The following EVA1A variants were observed in gnomAD, a reference collection of about 807,000 sequenced individuals.
The protein encoded by EVA1A is protein eva-1 homolog A.
A neutral mutation model predicts 9.8 loss-of-function variants in EVA1A; 7 were observed. The observed-to-expected ratio is 0.71, with a 90% CI of 0.41 to 1.34. The LOEUF (loss-of-function observed/expected upper bound fraction) is 1.34, where lower values mean the gene tolerates loss of function less well. EVA1A is among the 40% of genes most tolerant of loss of function. EVA1A has a pLI of 0.01. For missense variants in EVA1A, 206 were observed against 205.9 expected (o/e 1.00, Z 0.00); for synonymous variants, 90 against 85.6 (o/e 1.05, Z -0.28).
At chr2:75,563,595 G>GTATT (rs1301140261), upstream of EVA1A, among the ~76,000 whole-genome samples, 1 of 152,188 alleles carries the variant, frequency 6.6e-6, no homozygotes, top group Non-Finnish European at 1.5e-5. Context: ...GATTGGCTAA[G>GTATT]TATTCTTGTT....
chr2:75,508,345 C>CT (rs915258924), intron 3 of EVA1A, among the ~76,000 whole-genome samples: 2 of 152,146 alleles, frequency 1.3e-5, no homozygotes, highest in Admixed American at 6.5e-5. Context: ...TCGCTGAATT[C>CT]TTTTTCTCAG....
At chr2:75,554,452 G>C (rs1676629378) in intron 1 of EVA1A, among the ~76,000 whole-genome samples, 1 of 152,164 alleles carries the variant, frequency 6.6e-6, no homozygotes, top group Non-Finnish European at 1.5e-5. Context: ...AGGAAAGGGG[G>C]AAAAGCGGGG....
chr2:75,554,450 G>C (rs557001262), intron 1 of EVA1A, among the ~76,000 whole-genome samples: 1 of 152,266 alleles, frequency 6.6e-6, no homozygotes, highest in South Asian at 2.1e-4. Context: ...GAAGGAAAGG[G>C]GGAAAAGCGG....
chr2:75,558,015 T>C (rs1402311004), intron 1 of EVA1A, among the ~76,000 whole-genome samples: 1 of 152,220 alleles, frequency 6.6e-6, no homozygotes, highest in African/African-American at 2.4e-5. Context: ...GAAATCCAGA[T>C]GTGTGCGTGA....
intron 3 of EVA1A, among the ~76,000 whole-genome samples, chr2:75,514,933 T>C (rs1674952690): frequency 6.6e-6 from 1 of 152,188 alleles, no homozygotes; most frequent in Admixed American, 6.5e-5. Flanking sequence ...GCACGATGTG[T>C]AAGTACTCAT....
intron 1 of EVA1A, among the ~76,000 whole-genome samples, chr2:75,529,896 C>A (rs919255370): frequency 6.6e-6 from 1 of 151,816 alleles, no homozygotes; most frequent in Non-Finnish European, 1.5e-5. Context: ...TAACAAGGAT[C>A]GCAACAGAAC....
intron 3 of EVA1A, among the ~76,000 whole-genome samples, chr2:75,510,407 G>C (rs1488866136): frequency 6.6e-6 from 1 of 152,096 alleles, no homozygotes; most frequent in African/African-American, 2.4e-5. Flanking sequence ...GCCCTCACAG[G>C]ATTCACAGTA....
chr2:75,508,656 G>T lies in EVA1A; in HGVS notation c.85+9400C>A, dbSNP rs541842742. ...TTGTGATATTCTATTACCTTGTAAA[G>T]TACTTGATGTCTGTGACCCACACCT... On this transcript the variant is annotated intron_variant, in intron 3 of 3. Coordinates refer to ENST00000393913, the MANE Select transcript of EVA1A (RefSeq NM_001135032.2). 5.5e-3 allele frequency among the ~76,000 whole-genome samples: 844 copies of T among 152,078 alleles called. 7 individuals carry two copies. The highest frequency in any genetic ancestry group is 0.014 in the Middle Eastern group (4 of 294).
chr2:75,551,247 G>C (rs1445964059), intron 1 of EVA1A, among the ~76,000 whole-genome samples: 1 of 152,134 alleles, frequency 6.6e-6, no homozygotes, highest in Non-Finnish European at 1.5e-5. Context: ...TCATAGACAA[G>C]CCTCTAAAAA....
chr2:75,569,038 T>G (rs13389150), intron 1 of EVA1A, among the ~76,000 whole-genome samples: 21,164 of 152,192 alleles, frequency 0.14, 1,529 homozygotes, highest in Non-Finnish European at 0.15. Flanking sequence ...CTTTTAGAAC[T>G]TTAAAGAATC....
chr2:75,493,387 A>C lies in EVA1A; in HGVS notation c.308T>G (p.Phe103Cys). 3.1e-6 allele frequency: 5 copies of C among 1,614,234 alleles called. No individual in the cohort carries two copies. Among genetic ancestry groups the C allele is most frequent in the Non-Finnish European group, 4.2e-6 (5 of 1,180,042 alleles). Residue 103 changes from phenylalanine to cysteine, a missense_variant, in exon 4 of 4, where the codon TTC becomes TGC. Physicochemically the swap from Phe to Cys is radical, Grantham distance 205 (BLOSUM62 -2). Coordinates refer to ENST00000393913, the MANE Select transcript of EVA1A (RefSeq NM_001135032.2). ...SDLSVRRHRR[F>C]ERTLNKNVFT... is the part of the protein sequence containing the mutation. ...CACATTCTTGTTCAAAGTCCTCTCG[A>C]AGCGGCGGTGTCTCCGCACGGAGAG...
At chr2:75,519,083 G>A (rs1248570472) in intron 2 of EVA1A, among the ~76,000 whole-genome samples, 1 of 152,128 alleles carries the variant, frequency 6.6e-6, no homozygotes, top group Non-Finnish European at 1.5e-5. Flanking sequence ...CTGGCTGGAG[G>A]AGCACATCCT....
chr2:75,501,278 C>T (rs1572946018), intron 3 of EVA1A, among the ~76,000 whole-genome samples: 1 of 152,184 alleles, frequency 6.6e-6, no homozygotes, highest in East Asian at 1.9e-4. Context: ...CTGAGTCTTT[C>T]TTACATTGAT....
intron 1 of EVA1A, among the ~76,000 whole-genome samples, chr2:75,552,978 T>C (rs1434845059): frequency 6.6e-6 from 1 of 152,228 alleles, no homozygotes; most frequent in Non-Finnish European, 1.5e-5. Flanking sequence ...AATCCTGCAG[T>C]AGCTCCCCAC....
chr2:75,549,543 G>C (rs753197932), intron 1 of EVA1A, among the ~76,000 whole-genome samples: 18 of 152,210 alleles, frequency 1.2e-4, no homozygotes, highest in Non-Finnish European at 2.2e-4. Context: ...GCTGGGAGGA[G>C]AGTGGGGAGG....
chr2:75,542,297 C>G (rs1676154695), intron 1 of EVA1A: 1 of 152,244 alleles, frequency 6.6e-6, no homozygotes, highest in Non-Finnish European at 1.5e-5. Context: ...ATACATGGTG[C>G]CAGGCTGAGC....
At chr2:75,539,590 T>C (rs1676038665) in intron 1 of EVA1A, among the ~76,000 whole-genome samples, 3 of 152,118 alleles carry the variant, frequency 2.0e-5, no homozygotes, top group South Asian at 4.1e-4. Context: ...GTGGTGAAGA[T>C]AGAAATATAG....
At chr2:75,537,293 A>G (rs973529889) in intron 1 of EVA1A, among the ~76,000 whole-genome samples, 5 of 152,232 alleles carry the variant, frequency 3.3e-5, no homozygotes, top group Non-Finnish European at 7.3e-5. Flanking sequence ...TCAGAAAAAT[A>G]TGAATAGAGG....
intron 1 of EVA1A, among the ~76,000 whole-genome samples, chr2:75,559,981 T>A (rs1041343539): frequency 5.9e-5 from 9 of 152,096 alleles, no homozygotes; most frequent in African/African-American, 1.9e-4. Flanking sequence ...TTCCAGGACA[T>A]CCTCATTTCC....
Sources: allele counts gnomAD v4.1 joint callset (sites outside exome capture counted in the v4.1 genomes callset), GRCh38; gene constraint gnomAD v4.1.1; transcripts MANE v1.5; gene names NCBI Gene and HGNC (gene_info 2026-07-23, HGNC 2026-07-21).